UVRAG: variants seen among roughly 807,000 people sequenced by gnomAD.
The protein encoded by UVRAG is UV radiation resistance-associated gene protein.
A neutral mutation model predicts 78.0 loss-of-function variants in UVRAG; 19 were observed. The observed-to-expected ratio is 0.24, with a 90% CI of 0.17 to 0.36. The LOEUF (loss-of-function observed/expected upper bound fraction) is 0.36. Among genes scored for constraint, UVRAG ranks in the 10% least tolerant of loss-of-function variants. UVRAG has a pLI of 1.00. For missense variants in UVRAG, 740 were observed against 853.8 expected (o/e 0.87, Z 1.66); for synonymous variants, 323 against 324.6 (o/e 1.00, Z 0.05).
chr11:76,139,998 A>G (rs1390605040), intron 14 of UVRAG, among the ~76,000 whole-genome samples: 3 of 150,654 alleles, frequency 2.0e-5, no homozygotes, highest in Admixed American at 6.6e-5. Flanking sequence ...TTTTAAAAAA[A>G]AAAAAGGAAC....
chr11:76,128,477 A>G (rs756878590), intron 14 of UVRAG, among the ~76,000 whole-genome samples: 1 of 152,198 alleles, frequency 6.6e-6, no homozygotes, highest in Non-Finnish European at 1.5e-5. Flanking sequence ...TCTGGATCGA[A>G]TGCACTGTCC....
intron 9 of UVRAG, among the ~76,000 whole-genome samples, chr11:76,005,130 T>G (rs1041232091): frequency 1.1e-4 from 17 of 152,036 alleles, no homozygotes; most frequent in African/African-American, 3.4e-4. Flanking sequence ...GAGCATGCAG[T>G]CAGGAGATCA....
intron 6 of UVRAG, among the ~76,000 whole-genome samples, chr11:75,951,038 A>AT (rs1187351392): frequency 1.3e-5 from 2 of 148,188 alleles, no homozygotes; most frequent in Non-Finnish European, 3.0e-5. Context: ...TCATGACTTG[A>AT]TTTTTTTTCA....
At chr11:76,128,206 C>G (rs1334758828) in intron 14 of UVRAG, among the ~76,000 whole-genome samples, 1 of 152,230 alleles carries the variant, frequency 6.6e-6, no homozygotes, top group Admixed American at 6.5e-5. Flanking sequence ...GCTCCGCCTC[C>G]TGTCAGATCA....
chr11:76,078,357 C>G (rs1951437460), intron 13 of UVRAG, among the ~76,000 whole-genome samples: 1 of 152,098 alleles, frequency 6.6e-6, no homozygotes, highest in South Asian at 2.1e-4. Flanking sequence ...AGACTACTTT[C>G]ACCAACATAC....
chr11:76,061,487 C>G (rs530491268), intron 12 of UVRAG, among the ~76,000 whole-genome samples: 2 of 152,184 alleles, frequency 1.3e-5, no homozygotes, highest in African/African-American at 2.4e-5. Flanking sequence ...GCTGCTCGCT[C>G]TTTGGGTCCA....
chr11:75,969,671 C>T (rs1388311804), intron 7 of UVRAG, among the ~76,000 whole-genome samples: 1 of 152,090 alleles, frequency 6.6e-6, no homozygotes, highest in Non-Finnish European at 1.5e-5. Context: ...CTGCTGTTTT[C>T]TCAGCTTGAA....
chr11:75,815,652 A>T, intron 1 of UVRAG, 128 bp downstream of exon 1: 3 of 489,880 alleles, frequency 6.1e-6, no homozygotes. Flanking sequence ...CGCGGGACTG[A>T]GGAAGACTGT....
intron 6 of UVRAG, among the ~76,000 whole-genome samples, chr11:75,917,518 A>G: frequency 6.6e-6 from 1 of 152,172 alleles, no homozygotes; most frequent in East Asian, 1.9e-4. Context: ...TACTAAAGCT[A>G]CAACCAACAC....
intron 1 of UVRAG, among the ~76,000 whole-genome samples, chr11:75,842,123 A>C (rs573447014): frequency 6.6e-6 from 1 of 152,292 alleles, no homozygotes; most frequent in South Asian, 2.1e-4. Context: ...AATATCCCAA[A>C]AGGACCAGGT....
At chr11:76,011,019 A>G (rs917767980) in intron 11 of UVRAG, among the ~76,000 whole-genome samples, 1 of 152,142 alleles carries the variant, frequency 6.6e-6, no homozygotes, top group Non-Finnish European at 1.5e-5. Context: ...AGAAGTAGGA[A>G]TATCAGGAGT....
intron 1 of UVRAG, among the ~76,000 whole-genome samples, chr11:75,847,582 C>T (rs7948375): frequency 0.075 from 11,455 of 152,022 alleles, 1,411 homozygotes; most frequent in African/African-American, 0.26. Context: ...CTGGAATGAA[C>T]GTTATTAAAA....
chr11:75,954,635 G>A (rs754360462), intron 6 of UVRAG, among the ~76,000 whole-genome samples: 5 of 152,170 alleles, frequency 3.3e-5, no homozygotes, highest in Non-Finnish European at 7.4e-5. Context: ...GTGCTTTTAT[G>A]TTCAGACATT....
At chr11:75,876,726 A>G (rs1946789828) in intron 3 of UVRAG, among the ~76,000 whole-genome samples, 1 of 151,774 alleles carries the variant, frequency 6.6e-6, no homozygotes, top group East Asian at 1.9e-4. Flanking sequence ...AAAGCCAAGA[A>G]CAGTTAGTTA....
chr11:76,086,027 A>G (rs1052122202), intron 13 of UVRAG, among the ~76,000 whole-genome samples: 3 of 152,206 alleles, frequency 2.0e-5, no homozygotes, highest in African/African-American at 7.2e-5. Context: ...CATAGTATGC[A>G]AAGTTCCATT....
At chr11:75,983,676 G>A in intron 8 of UVRAG, 163 bp downstream of exon 8, 1 of 993,544 alleles carries the variant, frequency 1.0e-6, no homozygotes, top group South Asian at 2.3e-5. Flanking sequence ...TTTCCTTGCT[G>A]AGCTGCCATC....
intron 7 of UVRAG, among the ~76,000 whole-genome samples, chr11:75,977,705 T>G (rs181439801): frequency 8.5e-5 from 13 of 152,318 alleles, no homozygotes; most frequent in African/African-American, 3.1e-4. Flanking sequence ...CCTGCTTTTT[T>G]GTGTTTTCCA....
chr11:75,879,424 CCT>C (rs1946889210), intron 3 of UVRAG, among the ~76,000 whole-genome samples: 1 of 152,172 alleles, frequency 6.6e-6, no homozygotes, highest in South Asian at 2.1e-4. Flanking sequence ...GATGTCTTCC[CCT>C]GTTCATCAGT....
intron 6 of UVRAG, chr11:75,931,017 G>T (rs944667228): frequency 8.1e-6 from 1 of 123,168 alleles, no homozygotes; most frequent in South Asian, 2.4e-4. Flanking sequence ...CCTTTCCTGG[G>T]TATTCATCAA....
Sources: gnomAD v4.1 joint callset for allele counts (sites outside exome capture counted in the v4.1 genomes callset) on GRCh38, gnomAD v4.1.1 for gene constraint, MANE v1.5 for transcripts, NCBI Gene and HGNC (gene_info 2026-07-23, HGNC 2026-07-21) for gene names.